Variants in CHN2 observed in about 807,000 individuals in gnomAD.
CHN2 encodes the protein beta-chimaerin.
CHN2 carries 35 observed loss-of-function variants against 56.3 expected under a neutral mutation model. That is an observed-to-expected ratio of 0.62 (90% CI 0.47 to 0.82). The LOEUF (loss-of-function observed/expected upper bound fraction) is 0.82, where lower values mean the gene tolerates loss of function less well. Among genes scored for constraint, CHN2 ranks in the 40% least tolerant of loss-of-function variants. The probability of loss-of-function intolerance (pLI) is 0.00; values close to 1 mark genes in which losing one functional copy is unlikely to be tolerated. For synonymous variants in CHN2, 210 were observed against 212.8 expected, an observed-to-expected ratio of 0.99 and a Z score of 0.12; for missense variants, 491 against 580.5, an observed-to-expected ratio of 0.85 and a Z score of 1.58.
At chr7:29,181,980 T>A (rs1798112838) in intron 2 of CHN2, among the ~76,000 whole-genome samples, 1 of 152,256 alleles carries the variant, frequency 6.6e-6, no homozygotes, top group South Asian at 2.1e-4. Context: ...GATTACTTTA[T>A]AAGCAAAACA....
intron 2 of CHN2, among the ~76,000 whole-genome samples, chr7:29,150,762 C>G (rs1793476934): frequency 6.6e-6 from 1 of 152,190 alleles, no homozygotes; most frequent in Admixed American, 6.6e-5. Context: ...GCCATTGTTC[C>G]TTTTCAGTGT....
At chr7:29,262,906 G>A (rs1249907388) in intron 1 of CHN2, among the ~76,000 whole-genome samples, 1 of 151,874 alleles carries the variant, frequency 6.6e-6, no homozygotes, top group East Asian at 1.9e-4. Flanking sequence ...TAATAAACCT[G>A]CACATCCTGC....
At chr7:29,401,755 G>A (rs1802224031) in intron 6 of CHN2, among the ~76,000 whole-genome samples, 1 of 152,230 alleles carries the variant, frequency 6.6e-6, no homozygotes, top group Non-Finnish European at 1.5e-5. Context: ...CAGGCGGGGG[G>A]TAGATTGTGG....
In CHN2 at chr7:29,381,809, C is replaced by CAAAAAAAAAAAAAAA. The variant is rs60652952; in HGVS notation, c.145-11857_145-11843dup. Among the ~76,000 whole-genome samples the CAAAAAAAAAAAAAAA allele has an allele frequency of 1.8e-3, 73 of 39,506 alleles. 14 individuals carry two copies. The highest frequency in any genetic ancestry group is 2.7e-3 in the Non-Finnish European group (51 of 19,042). The allele number at this position is 39,506 out of a possible 152,430, so 25.9% of individuals were successfully genotyped here. On this transcript the variant is annotated intron_variant, in intron 3 of 12. Coordinates refer to ENST00000222792, the MANE Select transcript of CHN2 (RefSeq NM_004067.4). ...AAAAGTCTATTCTCACTAAACTAAG[C>CAAAAAAAAAAAAAAA]AAAAAAAAAAAAAAAAAAAAAAAAA...
intron 2 of CHN2, among the ~76,000 whole-genome samples, chr7:29,158,388 C>T (rs1794716260): frequency 6.6e-6 from 1 of 152,146 alleles, no homozygotes; most frequent in Non-Finnish European, 1.5e-5. Flanking sequence ...AAACATGTAA[C>T]ATGATGTCTG....
chr7:29,428,121 T>G (rs1280920174), intron 6 of CHN2, among the ~76,000 whole-genome samples: 4 of 152,160 alleles, frequency 2.6e-5, no homozygotes, highest in Non-Finnish European at 5.9e-5. Context: ...ACTTTGGATA[T>G]TCACTTAATC....
intron 1 of CHN2, among the ~76,000 whole-genome samples, chr7:29,301,342 TACACACACACACACACACACACACAC>T (rs10570363): frequency 4.8e-4 from 68 of 141,710 alleles, no homozygotes; most frequent in African/African-American, 1.3e-3. Flanking sequence ...CTCAAACAGG[TACACACACACACACACACACACACAC>T]ACACACACAC....
At chr7:29,167,940 C>T (rs913027884) in intron 2 of CHN2, among the ~76,000 whole-genome samples, 6 of 152,164 alleles carry the variant, frequency 3.9e-5, no homozygotes, top group African/African-American at 7.2e-5. Flanking sequence ...CCTACAACAT[C>T]GGAGGTAACT....
intron 6 of CHN2, among the ~76,000 whole-genome samples, chr7:29,431,725 GA>G (rs1193255629): frequency 6.6e-6 from 1 of 152,208 alleles, no homozygotes; most frequent in Admixed American, 6.5e-5. Context: ...CATGAACCGA[GA>G]CCATCTAACA....
Position 29,512,870 on chromosome 7 carries a change from G to C in CHN2, c.*135G>C. The stretch of plus-strand genomic sequence containing the variant: ...TTCCTGGACTGCAGAGGATCGCTGA[G>C]TGGGGTACTGTGTCTCATAGACATG... On this transcript the variant is annotated 3_prime_UTR_variant, in exon 13 of 13. Transcript: ENST00000222792. 1.1e-6 allele frequency: 1 copy of C among 922,274 alleles called. No individual in the cohort carries two copies. 57.1% of individuals were successfully genotyped at this position (922,274 alleles called of 1,614,324 possible). A position where few individuals can be genotyped will look rare whatever the true frequency, so the allele number is the denominator to read the frequency against.
intron 1 of CHN2, among the ~76,000 whole-genome samples, chr7:29,223,028 A>G (rs1785925280): frequency 6.6e-6 from 1 of 152,208 alleles, no homozygotes; most frequent in Admixed American, 6.5e-5. Context: ...ACTCAACCCA[A>G]TTAAAATTTG....
chr7:29,508,391 CTTG>C (rs768847314), intron 11 of CHN2, among the ~76,000 whole-genome samples: 18 of 144,046 alleles, frequency 1.2e-4, no homozygotes, highest in African/African-American at 2.4e-4. Context: ...GAAGTTTTTG[CTTG>C]TTGTTGTTGT....
chr7:29,513,617 TACCCTC>T lies in CHN2; in HGVS notation c.*883_*888del. On this transcript the variant is annotated 3_prime_UTR_variant, in exon 13 of 13. Coordinates refer to ENST00000222792, the MANE Select transcript of CHN2 (RefSeq NM_004067.4). ...CTGGTCTGTGTAAAAAGTTAGCACT[TACCCTC>T]TTTTCTTCCTGGCCAAGCCCTCTGA... 1 of 152,014 alleles carries T rather than the reference TACCCTC, an allele frequency of 6.6e-6. No individual in the cohort carries two copies. Among genetic ancestry groups the T allele is most frequent in the African/African-American group, 2.4e-5 (1 of 41,340 alleles). 9.4% of individuals were successfully genotyped at this position (152,014 alleles called of 1,614,324 possible).
chr7:29,157,226 G>A (rs1364565625), intron 2 of CHN2, among the ~76,000 whole-genome samples: 4 of 152,082 alleles, frequency 2.6e-5, no homozygotes, highest in Non-Finnish European at 1.5e-5. Flanking sequence ...CCTCTGAGTG[G>A]GGAGGAAAAA....
At position 29,159,914 on chromosome 7, in the gene CHN2, A is replaced by C. The variant is rs990930277; in HGVS notation, c.274+12954A>C. On this transcript the variant is annotated intron_variant, in intron 2 of 6. Transcript: ENST00000439384. ...ATAATGCTTAAGTATTTGTGGAAGG[A>C]CGTAATTAATTGTCCCCAAATGGCA... Among the ~76,000 whole-genome samples the C allele has an allele frequency of 5.9e-5, 9 of 152,318 alleles. No homozygotes were observed. In the East Asian group the frequency reaches 1.7e-3, roughly 29 times the overall value.
At chr7:29,305,184 T>A (rs1794044348) in intron 1 of CHN2, among the ~76,000 whole-genome samples, 1 of 152,170 alleles carries the variant, frequency 6.6e-6, no homozygotes. Context: ...CAGTGATTGT[T>A]GCCGGGGAAA....
At chr7:29,387,159 TCTGC>T (rs1376886823) in intron 3 of CHN2, among the ~76,000 whole-genome samples, 2 of 152,214 alleles carry the variant, frequency 1.3e-5, no homozygotes, top group African/African-American at 4.8e-5. Context: ...CCCTCAGGAC[TCTGC>T]CTGGCACAGA....
intron 1 of CHN2, among the ~76,000 whole-genome samples, chr7:29,311,897 G>T (rs1437857446): frequency 6.6e-6 from 1 of 152,190 alleles, no homozygotes; most frequent in Non-Finnish European, 1.5e-5. Context: ...CCTCAATAAT[G>T]GAGGAGGGGG....
chr7:29,320,591 T>G (rs562642171), intron 1 of CHN2, among the ~76,000 whole-genome samples: 3 of 152,184 alleles, frequency 2.0e-5, no homozygotes, highest in Non-Finnish European at 2.9e-5. Flanking sequence ...CATTCCTCAC[T>G]CACATCTAAC....
Sources: allele counts gnomAD v4.1 joint callset (sites outside exome capture counted in the v4.1 genomes callset), GRCh38; gene constraint gnomAD v4.1.1; transcripts MANE v1.5; gene names NCBI Gene and HGNC (gene_info 2026-07-23, HGNC 2026-07-21).